The following CDH13 variants were observed in gnomAD, a reference collection of about 807,000 sequenced individuals.
CDH13 encodes the protein cadherin 13.
In CDH13, 24 loss-of-function variants were observed where a neutral mutation model predicts 63.8. The ratio of observed to expected loss-of-function variants is 0.38; its 90% CI spans 0.27 to 0.53. The LOEUF (loss-of-function observed/expected upper bound fraction) is 0.53. CDH13 is among the 20% of genes least tolerant of loss of function. The pLI is 0.85. For missense variants in CDH13, 1,049 were observed against 903.1 expected (o/e 1.16, Z -2.07); for synonymous variants, 503 against 355.3 (o/e 1.42, Z -4.67).
intron 3 of CDH13, among the ~76,000 whole-genome samples, chr16:83,085,586 G>A (rs1169169576): frequency 6.6e-6 from 1 of 152,242 alleles, no homozygotes; most frequent in Non-Finnish European, 1.5e-5. Context: ...GGCCAGGACT[G>A]TGTTATGACA....
At chr16:83,123,475 C>G (rs2035677523) in intron 3 of CDH13, among the ~76,000 whole-genome samples, 1 of 152,004 alleles carries the variant, frequency 6.6e-6, no homozygotes, top group Non-Finnish European at 1.5e-5. Context: ...GACGAGGTTT[C>G]TCCATGTTGG....
chr16:83,163,367 C>T (rs1164840796), intron 4 of CDH13, among the ~76,000 whole-genome samples: 1 of 152,018 alleles, frequency 6.6e-6, no homozygotes, highest in Non-Finnish European at 1.5e-5. Flanking sequence ...ACTGGGATGT[C>T]CATCTTGTGG....
intron 4 of CDH13, among the ~76,000 whole-genome samples, chr16:83,191,330 T>A (rs12934460): frequency 0.076 from 11,254 of 147,420 alleles, 491 homozygotes; most frequent in African/African-American, 0.09. Flanking sequence ...GTCAACATTG[T>A]TAACTTTTGT....
At chr16:82,823,839 G>A (rs1009678799) in intron 1 of CDH13, 2 of 152,010 alleles carry the variant, frequency 1.3e-5, no homozygotes, top group African/African-American at 2.4e-5. Flanking sequence ...ATTGGAAGTG[G>A]GATTATACAT....
intron 5 of CDH13, among the ~76,000 whole-genome samples, chr16:83,252,852 G>A (rs79819065): frequency 0.011 from 1,732 of 152,168 alleles, 9 homozygotes; most frequent in East Asian, 0.033. Flanking sequence ...AAGAATAAGC[G>A]TACAGAGTTA....
At chr16:83,281,169 AG>A (rs1312208774) in intron 5 of CDH13, among the ~76,000 whole-genome samples, 1 of 152,244 alleles carries the variant, frequency 6.6e-6, no homozygotes, top group Non-Finnish European at 1.5e-5. Context: ...TGTTTAGTGT[AG>A]CCACTTTCAT....
intron 6 of CDH13, among the ~76,000 whole-genome samples, chr16:83,406,625 C>T (rs2092052056): frequency 1.3e-5 from 2 of 152,128 alleles, no homozygotes; most frequent in African/African-American, 2.4e-5. Context: ...GCCACCACGG[C>T]CAGCTAATTT....
chr16:83,774,717 G>A (rs1045016276), intron 11 of CDH13, among the ~76,000 whole-genome samples: 9 of 152,148 alleles, frequency 5.9e-5, no homozygotes, highest in Admixed American at 3.3e-4. Context: ...CCACTTACAT[G>A]GGTTCCCCAG....
chr16:83,325,366 G>T (rs2090337262), intron 5 of CDH13, among the ~76,000 whole-genome samples: 1 of 152,144 alleles, frequency 6.6e-6, no homozygotes, highest in South Asian at 2.1e-4. Context: ...TTGAAATCTA[G>T]ATGAAGATTG....
At chr16:82,733,621 C>G (rs950607205) in intron 1 of CDH13, among the ~76,000 whole-genome samples, 2 of 152,104 alleles carry the variant, frequency 1.3e-5, no homozygotes, top group East Asian at 3.9e-4. Context: ...AAAACTGAGG[C>G]TTAGTGAGGT....
At chr16:82,810,839 G>A (rs939887372) in intron 1 of CDH13, among the ~76,000 whole-genome samples, 2 of 151,892 alleles carry the variant, frequency 1.3e-5, no homozygotes, top group Non-Finnish European at 2.9e-5. Context: ...TAAGAAGAGT[G>A]AGAAGCCATT....
intron 5 of CDH13, among the ~76,000 whole-genome samples, chr16:83,264,827 A>G (rs1907415837): frequency 6.6e-6 from 1 of 151,938 alleles, no homozygotes; most frequent in South Asian, 2.1e-4. Context: ...ATTTTCACTT[A>G]TAAACATTTA....
intron 8 of CDH13, among the ~76,000 whole-genome samples, chr16:83,612,165 TA>T (rs1213195644): frequency 2.6e-5 from 4 of 152,106 alleles, no homozygotes; most frequent in African/African-American, 9.6e-5. Context: ...ATTAAATTTT[TA>T]AAAACTTAAT....
chr16:82,745,526 C>G (rs939259049), intron 1 of CDH13, among the ~76,000 whole-genome samples: 1 of 152,086 alleles, frequency 6.6e-6, no homozygotes, highest in Non-Finnish European at 1.5e-5. Context: ...ATCACTTGAA[C>G]ACGGGAGGTG....
intron 1 of CDH13, among the ~76,000 whole-genome samples, chr16:82,758,414 G>A (rs774917669): frequency 2.7e-5 from 3 of 111,006 alleles, no homozygotes; most frequent in Admixed American, 1.0e-4. Context: ...CTTGGCCCAG[G>A]AGACTGTTGA....
At chr16:83,055,520 C>G (rs532664085) in intron 3 of CDH13, among the ~76,000 whole-genome samples, 2 of 151,670 alleles carry the variant, frequency 1.3e-5, no homozygotes, top group African/African-American at 4.8e-5. Flanking sequence ...CTGGCAAATT[C>G]TGTAAAATAA....
chr16:83,692,387 C>A (rs995078555), intron 10 of CDH13, among the ~76,000 whole-genome samples: 1 of 152,170 alleles, frequency 6.6e-6, no homozygotes, highest in African/African-American at 2.4e-5. Context: ...CTTGCTCTTT[C>A]CATAGCACAG....
intron 8 of CDH13, among the ~76,000 whole-genome samples, chr16:83,658,514 C>G (rs201111686): frequency 1.1e-5 from 1 of 87,710 alleles, no homozygotes; most frequent in Admixed American, 1.1e-4. Context: ...CCCATGTCCT[C>G]ACCACCAGGT....
intron 6 of CDH13, among the ~76,000 whole-genome samples, chr16:83,391,224 T>TG (rs1316747182): frequency 6.6e-6 from 1 of 151,720 alleles, no homozygotes; most frequent in Non-Finnish European, 1.5e-5. Flanking sequence ...TTTTTTTTTT[T>TG]GAGACAGCGT....
Sources: gnomAD v4.1 joint callset for allele counts (sites outside exome capture counted in the v4.1 genomes callset) on GRCh38, gnomAD v4.1.1 for gene constraint, MANE v1.5 for transcripts, NCBI Gene and HGNC (gene_info 2026-07-23, HGNC 2026-07-21) for gene names.